PHACTR1: variants seen among roughly 807,000 people sequenced by gnomAD.
PHACTR1 encodes RPEL repeat containing 1.
Under a neutral mutation model 69.2 loss-of-function variants are expected in PHACTR1, and 16 were observed. The observed-to-expected ratio is 0.23, with a 90% confidence interval of 0.16 to 0.35. The LOEUF is 0.35. PHACTR1 is among the 10% of genes least tolerant of loss of function. PHACTR1 has a pLI of 1.00. For synonymous variants in PHACTR1, 312 were observed against 284.5 expected (o/e 1.10, Z -0.97); for missense variants, 510 against 734.7 (o/e 0.69, Z 3.54).
chr6:13,182,614 G>A lies in PHACTR1; in HGVS notation c.592G>A (p.Glu198Lys), dbSNP rs376126977. ...GTCTCTGCCTGCCCTGTCCGAAATG[G>A]AGCCAGTCCCAATGCCCAGGGATCC... The part of the protein sequence containing the change: ...QLSLPALSEM[E>K]PVPMPRDPCS... The change falls in exon 7 of 15, where the codon GAG becomes AAG. Residue 198 changes from glutamate (E) to lysine (K), a missense_variant. By Grantham distance (56) the Glu-to-Lys change is moderately conservative (BLOSUM62 1). Around this residue, in one of 2 missense-constraint regions of PHACTR1, gnomAD observed 419 missense variants for 530.9 expected, o/e 0.79. Coordinates refer to ENST00000332995, the MANE Select transcript of PHACTR1 (RefSeq NM_030948.6). The A allele has an allele frequency of 6.2e-7, 1 of 1,611,882 alleles. No homozygotes were observed. The highest frequency in any genetic ancestry group is 8.5e-7 in the Non-Finnish European group (1 of 1,179,008).
intron 6 of PHACTR1, 72 bp from the exon 7 acceptor site, chr6:13,182,447 A>C (rs755286688): frequency 1.7e-4 from 257 of 1,504,216 alleles, no homozygotes; most frequent in Non-Finnish European, 2.3e-4. Context: ...TAGACTCAGC[A>C]GGCGGGAAGT....
chr6:12,834,598 C>G (rs1324648030), intron 4 of PHACTR1, among the ~76,000 whole-genome samples: 1 of 152,080 alleles, frequency 6.6e-6, no homozygotes, highest in East Asian at 1.9e-4. Flanking sequence ...GGTGCACACA[C>G]AAGTCCAGAT....
rs553712126 is a variant in PHACTR1, at chr6:13,251,788, A to G, written c.1392-21072A>G. 1.4e-5 allele frequency among the ~76,000 whole-genome samples: 2 copies of G among 144,032 alleles called. 1 individual carries two copies. Among genetic ancestry groups the G allele is most frequent in the African/African-American group, 5.5e-5 (2 of 36,230 alleles). The allele number at this position is 144,032 out of a possible 152,430, so 94.5% of individuals were successfully genotyped here. The stretch of plus-strand genomic sequence containing the variant: ...TGAAGAATTAGTGAAAAATCATTTA[A>G]ATTTATATATATAATAAGGGGATTG... On this transcript the variant is annotated intron_variant, in intron 10 of 14. Transcript: ENST00000332995.
chr6:13,255,341 G>A (rs141719676), intron 10 of PHACTR1, among the ~76,000 whole-genome samples: 1 of 152,066 alleles, frequency 6.6e-6, no homozygotes, highest in African/African-American at 2.4e-5. Context: ...TCCAACACTG[G>A]GTATTACAAT....
intron 4 of PHACTR1, among the ~76,000 whole-genome samples, chr6:12,993,685 G>A (rs1797078166): frequency 6.6e-6 from 1 of 152,206 alleles, no homozygotes; most frequent in Admixed American, 6.5e-5. Context: ...TGTAAGCCCA[G>A]GGGATCTCTG....
intron 4 of PHACTR1, among the ~76,000 whole-genome samples, chr6:12,839,282 T>C (rs771259031): frequency 6.6e-6 from 1 of 152,158 alleles, no homozygotes; most frequent in Non-Finnish European, 1.5e-5. Flanking sequence ...GATGCATACA[T>C]TGTATCTGTG....
intron 4 of PHACTR1, among the ~76,000 whole-genome samples, chr6:12,918,543 G>T (rs542957490): frequency 6.6e-6 from 1 of 152,322 alleles, no homozygotes; most frequent in Admixed American, 6.5e-5. Flanking sequence ...TGTGAGAGAT[G>T]CCATCGTTAT....
At chr6:13,278,855 T>C (rs1000226169) in intron 12 of PHACTR1, among the ~76,000 whole-genome samples, 2 of 151,420 alleles carry the variant, frequency 1.3e-5, no homozygotes, top group Non-Finnish European at 2.9e-5. Flanking sequence ...CCCAGATACA[T>C]GGGAGTCTGA....
At chr6:13,077,030 A>G (rs1324747400) in intron 5 of PHACTR1, among the ~76,000 whole-genome samples, 1 of 151,272 alleles carries the variant, frequency 6.6e-6, no homozygotes, top group African/African-American at 2.4e-5. Flanking sequence ...AGCATGGCAC[A>G]TGTATACATA....
chr6:13,249,814 A>G (rs1774125126), intron 10 of PHACTR1, among the ~76,000 whole-genome samples: 1 of 152,010 alleles, frequency 6.6e-6, no homozygotes, highest in African/African-American at 2.4e-5. Flanking sequence ...AAAAAAAAAA[A>G]AAAAGTATGG....
rs1384494931 is a variant in PHACTR1 at position 13,003,951 on chromosome 6, C to CTATATATATATATATACATATATATA, written c.251-49401_251-49400insATACATATATATATATATATATATAT. On this transcript the variant is annotated intron_variant, in intron 4 of 14. Transcript: ENST00000332995. ...CTTTTTTTATGGCTCAGTAGTATTCCTATATATATATATGTATATATATAT... is the reference window on the plus strand; with the variant it reads ...CTTTTTTTATGGCTCAGTAGTATTCCTATATATATATATATACATATATATATATATATATATATGTATATATATAT... Among the ~76,000 whole-genome samples, 21 of 93,560 alleles carry CTATATATATATATATACATATATATA rather than the reference C, an allele frequency of 2.2e-4. No homozygotes were observed. The South Asian group carries it at 6.9e-3, about 31-fold the overall frequency. The allele number at this position is 93,560 out of a possible 152,430, so 61.4% of individuals were successfully genotyped here. A position where few individuals can be genotyped will look rare whatever the true frequency, so the allele number is the denominator to read the frequency against.
intron 4 of PHACTR1, among the ~76,000 whole-genome samples, chr6:12,808,766 T>TCTTCTC (rs3036464): frequency 5.3e-5 from 8 of 150,714 alleles, no homozygotes; most frequent in East Asian, 3.9e-4. Context: ...CTCTTCTTCT[T>TCTTCTC]CTTCTCCTTC....
chr6:13,280,933 A>C, intron 12 of PHACTR1: 1 of 1,287,530 alleles, frequency 7.8e-7, no homozygotes, highest in Non-Finnish European at 1.0e-6. Flanking sequence ...GCCCATGCAC[A>C]CAGAGGAGCG....
At chr6:13,272,085 T>C (rs1777851797) in intron 10 of PHACTR1, 1 of 152,268 alleles carries the variant, frequency 6.6e-6, no homozygotes, top group African/African-American at 2.4e-5. Flanking sequence ...ATGTCTCTGT[T>C]CCTGCTCAGG....
intron 4 of PHACTR1, among the ~76,000 whole-genome samples, chr6:12,999,277 G>C (rs371956952): frequency 2.6e-5 from 4 of 152,158 alleles, no homozygotes; most frequent in Non-Finnish European, 4.4e-5. Context: ...AATGAACTAG[G>C]TTTACATGAA....
At chr6:12,978,424 G>A (rs549099216) in intron 4 of PHACTR1, among the ~76,000 whole-genome samples, 4 of 152,256 alleles carry the variant, frequency 2.6e-5, no homozygotes, top group East Asian at 3.9e-4. Context: ...GCTGTCTGCC[G>A]TTCCACGCAG....
At chr6:12,904,655 T>C (rs1785537346) in intron 4 of PHACTR1, among the ~76,000 whole-genome samples, 1 of 152,118 alleles carries the variant, frequency 6.6e-6, no homozygotes, top group South Asian at 2.1e-4. Flanking sequence ...CTCTTTGACT[T>C]GGGGAAGGAT....
At chr6:12,809,426 T>C (rs558124348) in intron 4 of PHACTR1, among the ~76,000 whole-genome samples, 27 of 152,270 alleles carry the variant, frequency 1.8e-4, no homozygotes, top group African/African-American at 6.5e-4. Context: ...GAAGGCCCAG[T>C]GAAACCTCAG....
chr6:13,156,935 C>T (rs1425247522), intron 5 of PHACTR1, among the ~76,000 whole-genome samples: 1 of 152,208 alleles, frequency 6.6e-6, no homozygotes, highest in Non-Finnish European at 1.5e-5. Flanking sequence ...CCATCATCCC[C>T]TGCCTAGATG....
Sources: allele counts gnomAD v4.1 joint callset (sites outside exome capture counted in the v4.1 genomes callset), GRCh38; gene constraint gnomAD v4.1.1; regional missense constraint gnomAD v4.1.1; transcripts MANE v1.5; gene names NCBI Gene and HGNC (gene_info 2026-07-23, HGNC 2026-07-21).